ACER3: variants seen among roughly 807,000 people sequenced by gnomAD.
ACER3 encodes alkaline ceramidase 3, also known as alkCDase 3.
Under a neutral mutation model 48.9 loss-of-function variants are expected in ACER3, and 16 were observed. That is an observed-to-expected ratio of 0.33 (90% CI 0.22 to 0.50). ACER3 has a LOEUF of 0.50. Ranked by LOEUF, ACER3 falls within the 20% of genes least tolerant of loss-of-function variation. The pLI is 0.98. For synonymous variants in ACER3, 109 were observed against 107.8 expected (o/e 1.01, Z -0.07); for missense variants, 227 against 326.0 (o/e 0.70, Z 2.34).
intron 7 of ACER3, among the ~76,000 whole-genome samples, chr11:77,001,486 G>A (rs1403250907): frequency 6.6e-6 from 1 of 152,102 alleles, no homozygotes; most frequent in African/African-American, 2.4e-5. Flanking sequence ...TCAAACTCCT[G>A]ACCATGTGAT....
At chr11:76,938,293 G>C (rs1947249221) in intron 2 of ACER3, among the ~76,000 whole-genome samples, 1 of 152,072 alleles carries the variant, frequency 6.6e-6, no homozygotes. Flanking sequence ...GAGATTACAG[G>C]CTTGACCCAT....
At chr11:76,976,231 G>T (rs1948440566) in intron 3 of ACER3, 58 bp from the exon 4 acceptor site, 3 of 1,259,662 alleles carry the variant, frequency 2.4e-6, no homozygotes, top group East Asian at 2.4e-5. Context: ...ATTTTGATTT[G>T]CATAATAATT....
chr11:76,869,227 T>C (rs1346919833), intron 1 of ACER3, among the ~76,000 whole-genome samples: 1 of 152,138 alleles, frequency 6.6e-6, no homozygotes, highest in African/African-American at 2.4e-5. Flanking sequence ...CTGATTGCTA[T>C]AGAACTGATT....
intron 1 of ACER3, among the ~76,000 whole-genome samples, chr11:76,885,245 GAC>G (rs1164855274): frequency 1.3e-5 from 2 of 152,028 alleles, no homozygotes; most frequent in Admixed American, 1.3e-4. Flanking sequence ...GGTTTGTTTA[GAC>G]ACAGAGACAC....
At chr11:76,945,172 G>T (rs1947441741) in intron 2 of ACER3, among the ~76,000 whole-genome samples, 1 of 151,674 alleles carries the variant, frequency 6.6e-6, no homozygotes. Context: ...ATCTCATGGA[G>T]CTTCTTCAAA....
chr11:76,910,442 G>T (rs1027548371), intron 1 of ACER3, among the ~76,000 whole-genome samples: 49 of 152,026 alleles, frequency 3.2e-4, no homozygotes, highest in Admixed American at 3.0e-3. Context: ...CAGAATAAAG[G>T]TGTTTTATCT....
chr11:76,901,044 A>G (rs1248848778), intron 1 of ACER3, among the ~76,000 whole-genome samples: 2 of 152,096 alleles, frequency 1.3e-5, no homozygotes, highest in Admixed American at 1.3e-4. Flanking sequence ...GGCATCTTCT[A>G]TGGTGTAATT....
intron 1 of ACER3, among the ~76,000 whole-genome samples, chr11:76,867,630 G>T (rs143306735): frequency 6.6e-6 from 1 of 152,030 alleles, no homozygotes; most frequent in Non-Finnish European, 1.5e-5. Flanking sequence ...GACATATTAT[G>T]ATGAAGGGTT....
intron 3 of ACER3, among the ~76,000 whole-genome samples, chr11:76,972,786 C>T (rs957849675): frequency 6.6e-6 from 1 of 152,060 alleles, no homozygotes; most frequent in Non-Finnish European, 1.5e-5. Flanking sequence ...CTCCATGTAC[C>T]AGGGGGTGAA....
intron 2 of ACER3, among the ~76,000 whole-genome samples, chr11:76,928,857 T>A (rs994507266): frequency 4.6e-5 from 7 of 152,154 alleles, no homozygotes; most frequent in African/African-American, 1.7e-4. Flanking sequence ...TGTTTTGGTT[T>A]CTGTAGCCTT....
intron 5 of ACER3, among the ~76,000 whole-genome samples, chr11:76,988,501 C>A (rs1384637901): frequency 6.6e-6 from 1 of 152,052 alleles, no homozygotes; most frequent in Non-Finnish European, 1.5e-5. Flanking sequence ...GAAAGAAGTG[C>A]AGAGCGAAGG....
intron 2 of ACER3, among the ~76,000 whole-genome samples, chr11:76,929,528 C>T (rs1450364199): frequency 1.3e-5 from 2 of 152,190 alleles, no homozygotes; most frequent in African/African-American, 4.8e-5. Context: ...GAGGGCATCC[C>T]TGTCTTGTGC....
At chr11:76,995,294 G>A (rs1948889135) in intron 6 of ACER3, among the ~76,000 whole-genome samples, 3 of 152,068 alleles carry the variant, frequency 2.0e-5, no homozygotes, top group African/African-American at 2.4e-5. Flanking sequence ...CACTGCCTAG[G>A]ATACTAGTAC....
intron 2 of ACER3, among the ~76,000 whole-genome samples, chr11:76,936,130 G>T (rs1947176740): frequency 6.6e-6 from 1 of 152,206 alleles, no homozygotes; most frequent in Non-Finnish European, 1.5e-5. Context: ...TACAATCATG[G>T]CAGAAAGCAA....
chr11:76,952,411 C>T lies in ACER3; in HGVS notation c.215-6568C>T, dbSNP rs948729141. Among the ~76,000 whole-genome samples the T allele has an allele frequency of 8.6e-5, 13 of 151,454 alleles. No individual in the cohort carries two copies. The South Asian group carries it at 1.3e-3, about 15-fold the overall frequency. ...AGTAGCTGGGACCACAGGCGCCCGCCACGACGCCCGGCTAATTTTTGTATT... is the reference window on the plus strand; with the variant it reads ...AGTAGCTGGGACCACAGGCGCCCGCTACGACGCCCGGCTAATTTTTGTATT... On this transcript the variant is annotated intron_variant, in intron 2 of 10. Coordinates refer to ENST00000532485, the MANE Select transcript of ACER3 (RefSeq NM_018367.7).
chr11:76,914,692 C>T (rs558446246), intron 1 of ACER3, among the ~76,000 whole-genome samples: 56 of 152,290 alleles, frequency 3.7e-4, no homozygotes, highest in African/African-American at 1.3e-3. Flanking sequence ...CATCCCATTA[C>T]TGGGTATATA....
intron 2 of ACER3, among the ~76,000 whole-genome samples, chr11:76,954,518 AT>A (rs1371457882): frequency 3.3e-5 from 5 of 151,368 alleles, no homozygotes; most frequent in Admixed American, 3.3e-4. Flanking sequence ...AGGTAATAAC[AT>A]TATTCTTTGC....
chr11:76,994,458 G>T (rs1026879520), intron 6 of ACER3, among the ~76,000 whole-genome samples: 1 of 152,102 alleles, frequency 6.6e-6, no homozygotes, highest in Non-Finnish European at 1.5e-5. Context: ...TACAGACAGG[G>T]TTTTTTCGTG....
intron 7 of ACER3, among the ~76,000 whole-genome samples, chr11:77,000,226 T>G (rs1555019497): frequency 6.6e-6 from 1 of 152,216 alleles, no homozygotes; most frequent in African/African-American, 2.4e-5. Context: ...GTATATGTAT[T>G]CTCCCTGGTA....
Sources: gnomAD v4.1 joint callset for allele counts (sites outside exome capture counted in the v4.1 genomes callset) on GRCh38, gnomAD v4.1.1 for gene constraint, MANE v1.5 for transcripts, NCBI Gene and HGNC (gene_info 2026-07-23, HGNC 2026-07-21) for gene names.